The following SPATA31G1 variants were observed in gnomAD, a reference collection of about 807,000 sequenced individuals.
The protein encoded by SPATA31G1 is spermatogenesis-associated protein 31G1.
At chr9:35,045,037 C>G in the SPATA31G1 span, 1 of 1,614,220 alleles carries the variant, frequency 6.2e-7, no homozygotes, top group African/African-American at 1.3e-5. Context: ...TCCAGAGCCC[C>G]TGGCCCAAGT....
chr9:35,045,602 G>T, the SPATA31G1 span: 1 of 1,614,148 alleles, frequency 6.2e-7, no homozygotes, highest in Non-Finnish European at 8.5e-7. Context: ...TTCCCCAAAG[G>T]TCTCAACACA....
At chr9:35,044,709 C>T in the SPATA31G1 span, 21 of 1,614,178 alleles carry the variant, frequency 1.3e-5, no homozygotes, top group East Asian at 4.2e-4. Flanking sequence ...ACTCTCTACT[C>T]CTCTACCAGA....
the SPATA31G1 span, chr9:35,041,503 G>A: frequency 6.4e-6 from 1 of 156,392 alleles, no homozygotes; most frequent in African/African-American, 2.4e-5. Context: ...GCTACTCAGA[G>A]GCTGAGATGG....
the SPATA31G1 span, chr9:35,042,925 AGGAAGAAGG>A: frequency 3.7e-6 from 6 of 1,614,022 alleles, no homozygotes; most frequent in African/African-American, 5.3e-5. Context: ...TCAGAAGTGG[AGGAAGAAGG>A]GGAAGAAGAG....
At chr9:35,042,972 G>T in the SPATA31G1 span, 1 of 1,614,160 alleles carries the variant, frequency 6.2e-7, no homozygotes, top group Non-Finnish European at 8.5e-7. Flanking sequence ...GGCATCTCTG[G>T]ATCCACTGAA....
chr9:35,043,787 A>T, the SPATA31G1 span: 2 of 1,614,180 alleles, frequency 1.2e-6, no homozygotes, highest in Admixed American at 3.3e-5. Context: ...CTTCAATGCC[A>T]GTCCCTTGCC....
the SPATA31G1 span, chr9:35,043,528 C>A: frequency 6.2e-7 from 1 of 1,614,208 alleles, no homozygotes; most frequent in Non-Finnish European, 8.5e-7. Flanking sequence ...GGAGTTTTAT[C>A]TGGCGCTGAG....
At chr9:35,045,841 G>C in the SPATA31G1 span, 11 of 1,610,870 alleles carry the variant, frequency 6.8e-6, no homozygotes, top group African/African-American at 1.2e-4. Context: ...GATAACCATC[G>C]ACCCCTACCC....
the SPATA31G1 span, chr9:35,043,774 A>G: frequency 6.2e-7 from 1 of 1,614,194 alleles, no homozygotes. Context: ...CAGGCCTCTG[A>G]GTCTTCAATG....
chr9:35,042,194 G>C, the SPATA31G1 span: 5 of 1,570,068 alleles, frequency 3.2e-6, no homozygotes, highest in Non-Finnish European at 4.3e-6. Flanking sequence ...TGGGGGATGG[G>C]AGTTCTTTGT....
the SPATA31G1 span, chr9:35,042,723 G>A: frequency 2.4e-6 from 3 of 1,234,438 alleles, no homozygotes; most frequent in South Asian, 4.2e-5. Context: ...ATGAGGAGCT[G>A]TGTAGGTGAC....
chr9:35,043,544 C>T, the SPATA31G1 span: 1 of 1,614,168 alleles, frequency 6.2e-7, no homozygotes, highest in South Asian at 1.1e-5. Context: ...CTGAGGCACC[C>T]ACACAGTCCC....
the SPATA31G1 span, chr9:35,041,425 A>G: frequency 4.8e-6 from 1 of 207,266 alleles, no homozygotes; most frequent in African/African-American, 2.4e-5. Context: ...TTACATCCTC[A>G]AAACAACCCT....
chr9:35,043,073 G>A, the SPATA31G1 span: 2 of 1,614,126 alleles, frequency 1.2e-6, no homozygotes, highest in South Asian at 1.1e-5. Flanking sequence ...GCCTCCTCAA[G>A]GCTATAGGGA....
At chr9:35,041,956 TAAG>T in the SPATA31G1 span, 1 of 294,092 alleles carries the variant, frequency 3.4e-6, no homozygotes. Context: ...CTGAAAAAAT[TAAG>T]TAGTTTGAGT....
the SPATA31G1 span, chr9:35,044,949 A>T: frequency 1.2e-6 from 2 of 1,614,014 alleles, no homozygotes; most frequent in Non-Finnish European, 1.7e-6. Flanking sequence ...AGAGTTGCTC[A>T]CCCATCCTGG....
the SPATA31G1 span, chr9:35,043,115 C>G: frequency 6.2e-7 from 1 of 1,614,180 alleles, no homozygotes; most frequent in Non-Finnish European, 8.5e-7. Flanking sequence ...AGCCCGTGAG[C>G]CCTTCCAGAT....
chr9:35,042,707 C>A, the SPATA31G1 span: 1 of 1,171,362 alleles, frequency 8.5e-7, no homozygotes, highest in Non-Finnish European at 1.2e-6. Context: ...TGACCATTAA[C>A]ACTAGATGAG....
chr9:35,043,560 A>C, the SPATA31G1 span: 1 of 1,614,162 alleles, frequency 6.2e-7, no homozygotes, highest in Non-Finnish European at 8.5e-7. Flanking sequence ...GTCCCCTGGA[A>C]CTAGCCCCCT....
Sources: allele counts gnomAD v4.1 joint callset, GRCh38; gene constraint gnomAD v4.1.1; transcripts MANE v1.5; gene names NCBI Gene and HGNC (gene_info 2026-07-23, HGNC 2026-07-21).